Variants in RGMA observed in about 807,000 individuals in gnomAD.
The protein encoded by RGMA is repulsive guidance molecule BMP co-receptor a, also known as repulsive guidance molecule A.
Under a neutral mutation model 23.2 loss-of-function variants are expected in RGMA, and 10 were observed. That is an observed-to-expected ratio of 0.43 (90% confidence interval 0.27 to 0.73). RGMA has a LOEUF of 0.73. RGMA is among the 30% of genes least tolerant of loss of function. The pLI is 0.20. For synonymous variants in RGMA, 308 were observed against 279.3 expected (o/e 1.10, Z -1.03); for missense variants, 547 against 630.5 (o/e 0.87, Z 1.42).
In RGMA at chr15:93,052,222, G is replaced by A. The variant is rs200825597; in HGVS notation, c.416C>T (p.Ser139Leu). 25 of 1,608,658 alleles carry A rather than the reference G, an allele frequency of 1.6e-5. No homozygotes were observed. In the East Asian group the frequency reaches 4.2e-4, roughly 27 times the overall value. ...LPPAGDSQERSDSPEICHYEK... is the reference protein window; with the variant it reads ...LPPAGDSQERLDSPEICHYEK... ...GTAATGGCAGATCTCGGGGCTGTCC[G>A]AGCGCTCCTGGCTGTCTCCGGCCGG... The change falls in exon 3 of 4, where the codon TCG becomes TTG. Residue 139 changes from serine to leucine, a missense_variant. By Grantham distance (145) the Ser-to-Leu change is moderately radical. Around this residue, in one of 3 missense-constraint regions of RGMA, gnomAD observed 214 missense variants for 234.7 expected, o/e 0.91. Coordinates refer to ENST00000329082, the MANE Select transcript of RGMA (RefSeq NM_020211.3).
rs2054724412 is a variant in RGMA, at chr15:93,041,595, A to G, written c.*3403T>C. On this transcript the variant is annotated 3_prime_UTR_variant, in exon 4 of 4. Coordinates refer to ENST00000329082, the MANE Select transcript of RGMA (RefSeq NM_020211.3). ...CTAGTGCCATTTAGCATTTTCGTCT[A>G]GTAGAGATTTCTTTTTTCTTTTTCT... The G allele has an allele frequency of 6.6e-6, 1 of 151,662 alleles. No individual in the cohort carries two copies. Among genetic ancestry groups the G allele is most frequent in the South Asian group, 2.1e-4 (1 of 4,818 alleles). The allele number at this position is 151,662 out of a possible 1,614,324, so 9.4% of individuals were successfully genotyped here. A position where few individuals can be genotyped will look rare whatever the true frequency, so the allele number is the denominator to read the frequency against.
In RGMA at chr15:93,039,775, T is replaced by C. The variant is rs1312492809; in HGVS notation, c.*5223A>G. On this transcript the variant is annotated 3_prime_UTR_variant, in exon 4 of 4. Transcript: ENST00000329082. ...ACTCCATGGCGTATATGTGCCACAT[T>C]TTCTTTATCCAGTCTATCATTGAGC... 4.6e-5 allele frequency: 7 copies of C among 152,244 alleles called. No homozygotes were observed. Among genetic ancestry groups the C allele is most frequent in the Admixed American group, 4.6e-4 (7 of 15,284 alleles). 9.4% of individuals were successfully genotyped at this position (152,244 alleles called of 1,614,324 possible). A position where few individuals can be genotyped will look rare whatever the true frequency, so the allele number is the denominator to read the frequency against.
chr15:93,084,546 C>T (rs1486992669), intron 1 of RGMA, among the ~76,000 whole-genome samples: 1 of 151,612 alleles, frequency 6.6e-6, no homozygotes, highest in African/African-American at 2.4e-5. Flanking sequence ...GATCTTGGTT[C>T]ACGGCAACCT....
intron 1 of RGMA, chr15:93,073,763 T>TG: frequency 6.5e-7 from 1 of 1,537,134 alleles, no homozygotes; most frequent in African/African-American, 1.4e-5. Flanking sequence ...CCATCCTGAC[T>TG]GGGTTTGGCC....
chr15:93,085,504 G>A (rs1895622367), intron 1 of RGMA, among the ~76,000 whole-genome samples: 1 of 152,202 alleles, frequency 6.6e-6, no homozygotes, highest in South Asian at 2.1e-4. Context: ...ACTGAAAAAT[G>A]AGAAAAGTAA....
chr15:93,078,129 C>A (rs1895502795), intron 1 of RGMA, among the ~76,000 whole-genome samples: 1 of 152,216 alleles, frequency 6.6e-6, no homozygotes, highest in Non-Finnish European at 1.5e-5. Context: ...TGCAGCTCTT[C>A]CTGAGCTCCT....
chr15:93,049,939 A>G (rs1055183845), intron 3 of RGMA, among the ~76,000 whole-genome samples: 2 of 152,184 alleles, frequency 1.3e-5, no homozygotes, highest in African/African-American at 2.4e-5. Flanking sequence ...ATCATCTTGG[A>G]GATGAAAGTC....
chr15:93,055,361 C>T (rs762815122), intron 2 of RGMA, among the ~76,000 whole-genome samples: 19 of 152,298 alleles, frequency 1.2e-4, no homozygotes, highest in Non-Finnish European at 2.1e-4. Flanking sequence ...GAGCAGGGAC[C>T]GTGAAGTCCC....
Position 93,087,860 on chromosome 15 carries a change from G to A in RGMA, c.14+1059C>T, listed in dbSNP as rs556257589. ...TGAGCTCAATGTGCTGAGCATGGGA[G>A]GTCGGGGTTCTCCCTGGTACCGTCG... On this transcript the variant is annotated intron_variant, in intron 1 of 3. Transcript: ENST00000329082. Among the ~76,000 whole-genome samples the A allele has an allele frequency of 3.9e-5, 6 of 152,234 alleles. No individual in the cohort carries two copies. In the South Asian group the frequency reaches 1.2e-3, roughly 32 times the overall value.
chr15:93,088,784 C>T, intron 1 of RGMA, 135 bp downstream of exon 1: 1 of 897,842 alleles, frequency 1.1e-6, no homozygotes, highest in Non-Finnish European at 1.7e-6. Flanking sequence ...AGCAAAGCTC[C>T]AAATGTGGGC....
At chr15:93,051,180 G>A (rs1258008968) in intron 3 of RGMA, among the ~76,000 whole-genome samples, 1 of 152,228 alleles carries the variant, frequency 6.6e-6, no homozygotes, top group African/African-American at 2.4e-5. Context: ...CAGGGATGGA[G>A]CATTTCCTTG....
intron 2 of RGMA, among the ~76,000 whole-genome samples, chr15:93,054,948 G>A (rs564186139): frequency 2.0e-5 from 3 of 152,322 alleles, no homozygotes; most frequent in South Asian, 4.1e-4. Context: ...TGATAAAGCC[G>A]GTACAGGAGG....
chr15:93,055,530 C>A (rs1009799398), intron 2 of RGMA, among the ~76,000 whole-genome samples: 1 of 152,300 alleles, frequency 6.6e-6, no homozygotes, highest in South Asian at 2.1e-4. Flanking sequence ...GGAGCCAGGG[C>A]AGGACATGAA....
intron 2 of RGMA, chr15:93,066,466 G>A (rs966106540): frequency 1.8e-6 from 1 of 568,618 alleles, no homozygotes; most frequent in Non-Finnish European, 3.3e-6. Flanking sequence ...ACGGGTGCGG[G>A]GGCCAGGCAC....
chr15:93,047,438 G>A (rs1035918760), intron 3 of RGMA, among the ~76,000 whole-genome samples: 16 of 152,278 alleles, frequency 1.1e-4, no homozygotes, highest in African/African-American at 2.6e-4. Context: ...GGGGCAAAGG[G>A]GACAAGGTGG....
At position 93,036,458 on chromosome 15, in the gene RGMA, C is replaced by T. The variant is rs572191256; in HGVS notation, c.*8540G>A. ...CGGTTGCCGGAGTTTTCCTGCTCCACCCTGGGGAGGGACCCCTGGCCCCGC... is the reference window on the plus strand; with the variant it reads ...CGGTTGCCGGAGTTTTCCTGCTCCATCCTGGGGAGGGACCCCTGGCCCCGC... On this transcript the variant is annotated 3_prime_UTR_variant, in exon 4 of 4. Transcript: ENST00000329082. 1 of 152,486 alleles carries T rather than the reference C, an allele frequency of 6.6e-6. No individual in the cohort carries two copies. Among genetic ancestry groups the T allele is most frequent in the South Asian group, 2.1e-4 (1 of 4,832 alleles). 9.4% of individuals were successfully genotyped at this position (152,486 alleles called of 1,614,324 possible).
At chr15:93,063,558 G>T (rs1397587132) in intron 2 of RGMA, among the ~76,000 whole-genome samples, 1 of 152,244 alleles carries the variant, frequency 6.6e-6, no homozygotes, top group African/African-American at 2.4e-5. Flanking sequence ...AAACATCCAG[G>T]TGTTTGGCAT....
At chr15:93,073,157 G>C (rs1165789739) in intron 1 of RGMA, 126 bp from the exon 2 acceptor site, 3 of 1,246,544 alleles carry the variant, frequency 2.4e-6, no homozygotes, top group Non-Finnish European at 1.0e-6. Context: ...CGCCCGGCGC[G>C]CTCCCCTTCC....
intron 2 of RGMA, among the ~76,000 whole-genome samples, chr15:93,056,635 G>A (rs1344696219): frequency 6.6e-6 from 1 of 152,142 alleles, no homozygotes; most frequent in Non-Finnish European, 1.5e-5. Flanking sequence ...GTGGTGAGGT[G>A]AGCTCCGTGC....
Sources: allele counts gnomAD v4.1 joint callset (sites outside exome capture counted in the v4.1 genomes callset), GRCh38; gene constraint gnomAD v4.1.1; regional missense constraint gnomAD v4.1.1; transcripts MANE v1.5; gene names NCBI Gene and HGNC (gene_info 2026-07-23, HGNC 2026-07-21).